The following CNTNAP2 variants were observed in gnomAD, a reference collection of about 807,000 sequenced individuals.
The protein encoded by CNTNAP2 is contactin associated protein 2.
A neutral mutation model predicts 155.2 loss-of-function variants in CNTNAP2; 98 were observed. The observed-to-expected ratio is 0.63, with a 90% CI of 0.54 to 0.75. The LOEUF (loss-of-function observed/expected upper bound fraction) is 0.75. Ranked by LOEUF, CNTNAP2 falls within the 30% of genes least tolerant of loss-of-function variation. The pLI is 0.00. For missense variants in CNTNAP2, 1,727 were observed against 1,688.1 expected (o/e 1.02, Z -0.40); for synonymous variants, 651 against 631.2 (o/e 1.03, Z -0.47).
intron 13 of CNTNAP2, among the ~76,000 whole-genome samples, chr7:147,669,673 G>A (rs851728): frequency 0.029 from 4,470 of 152,156 alleles, 221 homozygotes; most frequent in African/African-American, 0.1. Flanking sequence ...CTGGGTGCCC[G>A]GGCAAGCCCC....
chr7:146,985,308 A>ATTTTTTTTTTTTTT (rs71165057), intron 3 of CNTNAP2, among the ~76,000 whole-genome samples: 9 of 127,852 alleles, frequency 7.0e-5, no homozygotes, highest in African/African-American at 2.8e-4. Context: ...AAATGCTTGA[A>ATTTTTTTTTTTTTT]TTTTTTTTTT....
chr7:146,992,102 G>C (rs547605218), intron 3 of CNTNAP2, among the ~76,000 whole-genome samples: 1 of 152,128 alleles, frequency 6.6e-6, no homozygotes, highest in Admixed American at 6.6e-5. Flanking sequence ...CAATATTATG[G>C]AATGACTGTG....
intron 14 of CNTNAP2, among the ~76,000 whole-genome samples, chr7:147,910,558 C>T (rs1322470893): frequency 3.3e-5 from 5 of 152,178 alleles, no homozygotes; most frequent in South Asian, 2.1e-4. Flanking sequence ...AAGAGACACC[C>T]GAGACTGGGT....
intron 15 of CNTNAP2, among the ~76,000 whole-genome samples, chr7:147,996,638 G>C (rs959194227): frequency 3.9e-5 from 6 of 152,170 alleles, no homozygotes; most frequent in African/African-American, 1.4e-4. Context: ...GACTGCTACA[G>C]TAAGCTGTCA....
chr7:146,412,720 G>T (rs1169078134), intron 1 of CNTNAP2, among the ~76,000 whole-genome samples: 2 of 152,150 alleles, frequency 1.3e-5, no homozygotes, highest in Non-Finnish European at 1.5e-5. Flanking sequence ...ATCTTGCTTC[G>T]AATTAATTCA....
intron 4 of CNTNAP2, among the ~76,000 whole-genome samples, chr7:147,050,603 T>C (rs1016986494): frequency 6.6e-6 from 1 of 152,160 alleles, no homozygotes; most frequent in African/African-American, 2.4e-5. Context: ...GCTGTGTTGA[T>C]GGCACGTCTG....
Position 146,159,197 on chromosome 7 carries a change from C to T in CNTNAP2, c.97+42224C>T, listed in dbSNP as rs535093397. ...TTACAGACAAAGAAATGCTGAGAGACTTTGTCACCACCAGGCCTGCCTTAC... is the reference window on the plus strand; with the variant it reads ...TTACAGACAAAGAAATGCTGAGAGATTTTGTCACCACCAGGCCTGCCTTAC... On this transcript the variant is annotated intron_variant, in intron 1 of 23. Transcript: ENST00000361727. Among the ~76,000 whole-genome samples, 14 of 152,204 alleles carry T rather than the reference C, an allele frequency of 9.2e-5. No homozygotes were observed. The South Asian group carries it at 1.7e-3, about 18-fold the overall frequency.
rs199578386 is a variant in CNTNAP2 at position 147,486,012 on chromosome 7, C to T, written c.1748C>T (p.Thr583Ile). 9.9e-6 allele frequency: 16 copies of T among 1,614,054 alleles called. No homozygotes were observed. The highest frequency in any genetic ancestry group is 1.4e-5 in the Non-Finnish European group (16 of 1,179,952). ...WDSFKCTCDE[T>I]GYSGATCHNS... is the part of the protein sequence containing the mutation. The stretch of plus-strand genomic sequence containing the variant: ...AGCTTCAAATGCACTTGTGATGAGA[C>T]AGGATACAGTGGGGCCACCTGCCAC... The change falls in exon 11 of 24, where the codon ACA becomes ATA. Residue 583 changes from threonine to isoleucine, a missense_variant. Transcript: ENST00000361727.
chr7:146,546,066 A>C (rs557577590), intron 1 of CNTNAP2, among the ~76,000 whole-genome samples: 104 of 152,012 alleles, frequency 6.8e-4, no homozygotes, highest in South Asian at 2.9e-3. Flanking sequence ...TTATATAAGA[A>C]ATGGAACATC....
intron 10 of CNTNAP2, among the ~76,000 whole-genome samples, chr7:147,476,031 T>A (rs1554489404): frequency 2.4e-4 from 36 of 152,186 alleles, no homozygotes. Context: ...CTACTATCGA[T>A]AATCTTACCT....
intron 21 of CNTNAP2, among the ~76,000 whole-genome samples, chr7:148,283,446 C>T (rs1381436666): frequency 1.3e-5 from 2 of 152,074 alleles, no homozygotes; most frequent in Non-Finnish European, 2.9e-5. Context: ...TACAAATTCA[C>T]CTACTCTCTA....
chr7:147,949,440 G>GTGTGTATATATATATATATA (rs374972144), intron 14 of CNTNAP2, among the ~76,000 whole-genome samples: 1 of 127,366 alleles, frequency 7.9e-6, no homozygotes. Flanking sequence ...TCAACTGTGT[G>GTGTGTATATATATATATATA]TATATATATA....
chr7:146,839,629 G>C (rs1457450138), intron 2 of CNTNAP2, 82 bp from the exon 3 acceptor site: 24 of 1,454,906 alleles, frequency 1.6e-5, no homozygotes, highest in Non-Finnish European at 2.0e-5. Context: ...GACCAATTAA[G>C]ATATGTAGAA....
chr7:146,814,633 C>G (rs933986569), intron 2 of CNTNAP2, among the ~76,000 whole-genome samples: 3 of 151,980 alleles, frequency 2.0e-5, no homozygotes, highest in African/African-American at 7.3e-5. Context: ...TTAAACAGTT[C>G]GAATTACAGT....
intron 8 of CNTNAP2, among the ~76,000 whole-genome samples, chr7:147,181,728 T>G (rs1254817906): frequency 1.3e-5 from 2 of 152,226 alleles, no homozygotes; most frequent in African/African-American, 4.8e-5. Flanking sequence ...TATTCAGTCC[T>G]TTCAAAAATA....
chr7:148,296,726 C>T (rs1213601638), intron 21 of CNTNAP2, among the ~76,000 whole-genome samples: 2 of 152,092 alleles, frequency 1.3e-5, no homozygotes, highest in East Asian at 3.9e-4. Context: ...CCCGTGCAGC[C>T]TACTTTCGTC....
intron 14 of CNTNAP2, among the ~76,000 whole-genome samples, chr7:147,907,294 G>C (rs1381608427): frequency 6.6e-6 from 1 of 152,114 alleles, no homozygotes; most frequent in Admixed American, 6.6e-5. Context: ...CTGACCTCGT[G>C]ATCTGCCCAC....
intron 21 of CNTNAP2, among the ~76,000 whole-genome samples, chr7:148,355,729 A>G (rs1798502373): frequency 2.6e-5 from 4 of 152,208 alleles, no homozygotes; most frequent in African/African-American, 9.7e-5. Flanking sequence ...AGTCATATCT[A>G]TCACCTTTTG....
intron 10 of CNTNAP2, 59 bp downstream of exon 10, chr7:147,395,839 T>C: frequency 1.3e-6 from 2 of 1,590,728 alleles, no homozygotes; most frequent in Non-Finnish European, 1.7e-6. Flanking sequence ...TGTGTTTCTG[T>C]TGTGAGACCA....
Sources: allele counts gnomAD v4.1 joint callset (sites outside exome capture counted in the v4.1 genomes callset), GRCh38; gene constraint gnomAD v4.1.1; transcripts MANE v1.5; gene names NCBI Gene and HGNC (gene_info 2026-07-23, HGNC 2026-07-21).